FLG: variants seen among roughly 807,000 people sequenced by gnomAD.
The protein encoded by FLG is filaggrin.
A neutral mutation model predicts 3.8 loss-of-function variants in FLG; 6 were observed. The observed-to-expected ratio is 1.60, with a 90% CI of 0.87 to 3.15. The LOEUF (loss-of-function observed/expected upper bound fraction) is 3.15, where lower values mean the gene tolerates loss of function less well. Ranked by LOEUF, FLG falls within the 30% of genes most tolerant of loss-of-function variation. The probability of loss-of-function intolerance (pLI) is 0.00; values close to 1 mark genes in which losing one functional copy is unlikely to be tolerated. For missense variants in FLG, 7,595 were observed against 5,050.9 expected, an observed-to-expected ratio of 1.50 and a Z score of -15.27; for synonymous variants, 2,551 against 1,931.6, an observed-to-expected ratio of 1.32 and a Z score of -8.41.
Position 152,305,120 on chromosome 1 carries a change from A to G in FLG, c.9766T>C (p.Ser3256Pro). 3 of 1,613,538 alleles carry G rather than the reference A, an allele frequency of 1.9e-6. No individual in the cohort carries two copies. The highest frequency in any genetic ancestry group is 2.5e-6 in the Non-Finnish European group (3 of 1,179,886). ...TGACCGGCTCTGTCTTCGTGATGGG[A>G]CCTGGGGTGTCTGGAGCCGTGCCTT... ...QSRHGSRHPRSHHEDRAGHGH... is the reference protein window; with the variant it reads ...QSRHGSRHPRPHHEDRAGHGH... The change falls in exon 3 of 3, where the codon TCC becomes CCC. Residue 3256 changes from serine to proline, a missense_variant. Ser to Pro is a moderately conservative substitution (Grantham distance 74). Coordinates refer to ENST00000368799, the MANE Select transcript of FLG (RefSeq NM_002016.2).
In FLG at chr1:152,304,533, C is replaced by T. The variant is rs776849211; in HGVS notation, c.10353G>A (p.Glu3451=). 11 of 1,611,798 alleles carry T rather than the reference C, an allele frequency of 6.8e-6. No homozygotes were observed. The African/African-American group carries it at 1.3e-4, about 20-fold the overall frequency. Residue 3451 remains glutamate, a synonymous_variant, in exon 3 of 3, where the codon GAG becomes GAA. Coordinates refer to ENST00000368799, the MANE Select transcript of FLG (RefSeq NM_002016.2). ...SRRGRQGSHY[E]QSVDRSGHSG... ...AGTGTCCAGACCTATCTACCGATTG[C>T]TCGTAGTGGGATCCCTGCCTTCCTC...
chr1:152,307,280 C>T lies in FLG; in HGVS notation c.7606G>A (p.Glu2536Lys), dbSNP rs1173644441. ...GAGCTGTCGGCCCGAGAGGAAGCTT[C>T]ATGGTGACGCGACCCTGAGTGCCTG... ...GSRHSGSRHHEASSRADSSGH... is the reference protein window; with the variant it reads ...GSRHSGSRHHKASSRADSSGH... The change falls in exon 3 of 3, where the codon GAA becomes AAA. Residue 2536 changes from glutamate (E) to lysine (K), a missense_variant. Glu to Lys is a moderately conservative substitution (Grantham distance 56). Coordinates refer to ENST00000368799, the MANE Select transcript of FLG (RefSeq NM_002016.2). The T allele has an allele frequency of 5.6e-6, 9 of 1,613,234 alleles. No homozygotes were observed. Among genetic ancestry groups the T allele is most frequent in the Non-Finnish European group, 7.6e-6 (9 of 1,179,950 alleles).
Position 152,309,163 on chromosome 1 carries a change from G to A in FLG, c.5723C>T (p.Pro1908Leu), listed in dbSNP as rs750310026. The A allele has an allele frequency of 1.9e-6, 3 of 1,613,356 alleles. No homozygotes were observed. The highest frequency in any genetic ancestry group is 4.5e-5 in the East Asian group (2 of 44,812). The change falls in exon 3 of 3, where the codon CCC (proline) becomes CTC (leucine). Residue 1908 changes from proline to leucine, a missense_variant. Transcript: ENST00000368799. ...GGATCCCTGGTTCCTGCTTGTCCTG[G>A]GCCCTGATGATTGTCCCTGGCCCAC... The part of the protein sequence containing the change: ...SQVGQGQSSG[P>L]RTSRNQGSSV...
In FLG at chr1:152,312,782, A is replaced by C; in HGVS notation, c.2104T>G (p.Ser702Ala). The part of the protein sequence containing the change: ...QAASSHEQAR[S>A]SAGERHGSRH... ...GATCCATGTCTTTCTCCTGCACTTG[A>C]TCTTGCCTGTTCATGGGATGACGCA... Residue 702 changes from serine (S) to alanine (A), a missense_variant, in exon 3 of 3, where the codon TCA (serine) becomes GCA (alanine). By Grantham distance (99) the Ser-to-Ala change is moderately conservative. Coordinates refer to ENST00000368799, the MANE Select transcript of FLG (RefSeq NM_002016.2). 1.2e-6 allele frequency: 2 copies of C among 1,613,616 alleles called. No homozygotes were observed. Among genetic ancestry groups the C allele is most frequent in the Non-Finnish European group, 1.7e-6 (2 of 1,179,940 alleles).
rs1255956306 is a variant in FLG, at chr1:152,310,444, G to T, written c.4442C>A (p.Ala1481Glu). ...EQARNSSRHS[A>E]SQDGQDTIRG... is the part of the protein sequence containing the mutation. The stretch of plus-strand genomic sequence containing the variant: ...AATGGTGTCCTGACCGTCTTGGGAT[G>T]CTGAGTGCCTAGAGCTGTTTCGTGC... Residue 1481 changes from alanine (A) to glutamate (E), a missense_variant, in exon 3 of 3, where the codon GCA becomes GAA. Ala to Glu is a moderately radical substitution (Grantham distance 107, BLOSUM62 -1). Coordinates refer to ENST00000368799, the MANE Select transcript of FLG (RefSeq NM_002016.2). The T allele has an allele frequency of 1.2e-6, 2 of 1,613,392 alleles. No homozygotes were observed. Among genetic ancestry groups the T allele is most frequent in the East Asian group, 4.5e-5 (2 of 44,786 alleles).
chr1:152,303,507 G>T lies in FLG; in HGVS notation c.11379C>A (p.Ser3793=). 6.2e-7 allele frequency: 1 copy of T among 1,614,006 alleles called. No homozygotes were observed. ...CATGGGAGGCATCAGACCTTCCCTGGGATGTGGTGTGGCTGTGATGGGACC... is the reference window on the plus strand; with the variant it reads ...CATGGGAGGCATCAGACCTTCCCTGTGATGTGGTGTGGCTGTGATGGGACC... The part of the protein sequence containing the change: ...HSGSHHSHTT[S]QGRSDASHGQ... Residue 3793 remains serine, a synonymous_variant, in exon 3 of 3, where the codon TCC becomes TCA. Transcript: ENST00000368799.
rs766058560 is a variant in FLG at position 152,311,217 on chromosome 1, G to T, written c.3669C>A (p.Asp1223Glu). ...GCCTGGAGCCGTCTCCTGATTGTTT[G>T]TCCTTACGAGTTTGTCTGCTTGCAC... ...SRSASRQTRK[D>E]KQSGDGSRHS... Residue 1223 changes from aspartate to glutamate, a missense_variant, in exon 3 of 3, where the codon GAC becomes GAA. Coordinates refer to ENST00000368799, the MANE Select transcript of FLG (RefSeq NM_002016.2). 1 of 1,613,612 alleles carries T rather than the reference G, an allele frequency of 6.2e-7. No individual in the cohort carries two copies. Among genetic ancestry groups the T allele is most frequent in the South Asian group, 1.1e-5 (1 of 91,050 alleles).
rs775249105 is a variant in FLG at position 152,309,685 on chromosome 1, A to G, written c.5201T>C (p.Val1734Ala). Reference sequence around the variant, plus strand: ...GGGCCCAGCCTGTCCGTGGGCTGACACTGACTGTGTGTCTGACTCTTCTGA... The same window carrying G: ...GGGCCCAGCCTGTCCGTGGGCTGACGCTGACTGTGTGTCTGACTCTTCTGA... ...GHSEESDTQS[V>A]SAHGQAGPHQ... is the part of the protein sequence containing the mutation. The change falls in exon 3 of 3, where the codon GTG becomes GCG. Residue 1734 changes from valine (V) to alanine (A), a missense_variant. Transcript: ENST00000368799. 12 of 1,613,602 alleles carry G rather than the reference A, an allele frequency of 7.4e-6. No homozygotes were observed. In the East Asian group the frequency reaches 2.5e-4, roughly 33 times the overall value.
Position 152,303,137 on chromosome 1 carries a change from G to T in FLG, c.11749C>A (p.Pro3917Thr), listed in dbSNP as rs779044304. The change falls in exon 3 of 3, where the codon CCT (proline) becomes ACT (threonine). Residue 3917 changes from proline (P) to threonine (T), a missense_variant. Physicochemically the swap from Pro to Thr is conservative, Grantham distance 38. Transcript: ENST00000368799. ...RDTASHVQSS[P>T]VQSDSSTAKE... ...GCGGTACTAGAGTCTGACTGTACAG[G>T]TGAAGACTGTACATGACTGGCTGTA... 2 of 1,614,152 alleles carry T rather than the reference G, an allele frequency of 1.2e-6. No homozygotes were observed. The highest frequency in any genetic ancestry group is 1.1e-5 in the South Asian group (1 of 91,084).
chr1:152,302,678 T>G lies in FLG; in HGVS notation c.*22A>C. ...TTGCTTCATTCTTCTATTCTTGGAT[T>G]AATTCCTTTGCCATTAATTTCTTAC... On this transcript the variant is annotated 3_prime_UTR_variant, in exon 3 of 3. Transcript: ENST00000368799. 1 of 1,612,868 alleles carries G rather than the reference T, an allele frequency of 6.2e-7. No individual in the cohort carries two copies.
chr1:152,313,033 C>T lies in FLG; in HGVS notation c.1853G>A (p.Gly618Glu). 6.2e-7 allele frequency: 1 copy of T among 1,614,022 alleles called. No individual in the cohort carries two copies. The highest frequency in any genetic ancestry group is 8.5e-7 in the Non-Finnish European group (1 of 1,180,026). ...GTCACTGTCCTGGCTAACACTGGAT[C>T]CCTGGTTCCTACTTGTCCTGGGCCC... ...SSGPRTSRNQ[G>E]SSVSQDSDSQ... The change falls in exon 3 of 3, where the codon GGA becomes GAA. Residue 618 changes from glycine to glutamate, a missense_variant. By Grantham distance (98) the Gly-to-Glu change is moderately conservative (BLOSUM62 -2). Transcript: ENST00000368799.
At position 152,307,242 on chromosome 1, in the gene FLG, C is replaced by G; in HGVS notation, c.7644G>C (p.Gln2548His). The change falls in exon 3 of 3, where the codon CAG becomes CAC. Residue 2548 changes from glutamine to histidine, a missense_variant. By Grantham distance (24) the Gln-to-His change is conservative. Coordinates refer to ENST00000368799, the MANE Select transcript of FLG (RefSeq NM_002016.2). The stretch of plus-strand genomic sequence containing the variant: ...GCCCCTCTGATTGTCCCTGGCCCAC[C>G]TGCGAGTGTCCAGAGCTGTCGGCCC... ...SSRADSSGHSQVGQGQSEGPR... is the reference protein window; with the variant it reads ...SSRADSSGHSHVGQGQSEGPR... 1.2e-6 allele frequency: 2 copies of G among 1,612,926 alleles called. No homozygotes were observed. Among genetic ancestry groups the G allele is most frequent in the Non-Finnish European group, 8.5e-7 (1 of 1,179,990 alleles).
Position 152,311,724 on chromosome 1 carries a change from A to C in FLG, c.3162T>G (p.Ala1054=), listed in dbSNP as rs1557879316. Residue 1054 remains alanine (A), a synonymous_variant, in exon 3 of 3, where the codon GCT becomes GCG. Coordinates refer to ENST00000368799, the MANE Select transcript of FLG (RefSeq NM_002016.2). ...GTCCACTGTCTCTGACTGCAGATGA[A>C]GCTTGTCTGCGCGGAATGCCTGAGT... ...SRHSGIPRRQ[A]SSAVRDSGHW... The C allele has an allele frequency of 3.7e-6, 6 of 1,613,640 alleles. No individual in the cohort carries two copies. The East Asian group carries it at 1.3e-4, about 36-fold the overall frequency.
At chr1:152,318,284 T>A (rs1417814512) in intron 1 of FLG, among the ~76,000 whole-genome samples, 1 of 151,960 alleles carries the variant, frequency 6.6e-6, no homozygotes, top group Admixed American at 6.6e-5. Flanking sequence ...CTACTGAAAC[T>A]GCTTTGTGTC....
At position 152,304,710 on chromosome 1, in the gene FLG, A is replaced by G. The variant is rs1161857490; in HGVS notation, c.10176T>C (p.Thr3392=). 1 of 1,612,712 alleles carries G rather than the reference A, an allele frequency of 6.2e-7. No homozygotes were observed. Among genetic ancestry groups the G allele is most frequent in the Non-Finnish European group, 8.5e-7 (1 of 1,179,788 alleles). Reference sequence around the variant, plus strand: ...CATGGGCAGACTCAGACTGTTCATGAGTGCTCACCTGGTAGAGGAAAGACC... The same window carrying G: ...CATGGGCAGACTCAGACTGTTCATGGGTGCTCACCTGGTAGAGGAAAGACC... The part of the protein sequence containing the change: ...RSGSFLYQVS[T]HEQSESAHGR... The change falls in exon 3 of 3, where the codon ACT becomes ACC. Residue 3392 remains threonine (T), a synonymous_variant. Coordinates refer to ENST00000368799, the MANE Select transcript of FLG (RefSeq NM_002016.2).
At position 152,305,477 on chromosome 1, in the gene FLG, C is replaced by T. The variant is rs1651893247; in HGVS notation, c.9409G>A (p.Gly3137Arg). 2 of 1,584,298 alleles carry T rather than the reference C, an allele frequency of 1.3e-6. No homozygotes were observed. Among genetic ancestry groups the T allele is most frequent in the Non-Finnish European group, 1.7e-6 (2 of 1,171,156 alleles). Residue 3137 changes from glycine to arginine, a missense_variant, in exon 3 of 3, where the codon GGG becomes AGG. Transcript: ENST00000368799. ...GATGTGGTGTGGCTGTGATGGGACCCTGAGTGTCCAGAGCTATCTACCGAA... is the reference window on the plus strand; with the variant it reads ...GATGTGGTGTGGCTGTGATGGGACCTTGAGTGTCCAGAGCTATCTACCGAA... ...EHSVDSSGHS[G>R]SHHSHTTSQG...
chr1:152,304,832 T>C lies in FLG; in HGVS notation c.10054A>G (p.Thr3352Ala), dbSNP rs759537361. 9.9e-6 allele frequency: 16 copies of C among 1,613,800 alleles called. No individual in the cohort carries two copies. The highest frequency in any genetic ancestry group is 1.7e-4 in the Middle Eastern group (1 of 6,060). ...DSEGHSEESDTQSVSGHGQAG... is the reference protein window; with the variant it reads ...DSEGHSEESDAQSVSGHGQAG... ...TGTCCATGGCCTGACACTGACTGTG[T>C]GTCTGACTCTTCTGAATGTCCCTCA... Residue 3352 changes from threonine to alanine, a missense_variant, in exon 3 of 3, where the codon ACA (threonine) becomes GCA (alanine). Thr to Ala is a moderately conservative substitution (Grantham distance 58). Coordinates refer to ENST00000368799, the MANE Select transcript of FLG (RefSeq NM_002016.2).
In FLG at chr1:152,312,243, A is replaced by G. The variant is rs138689255; in HGVS notation, c.2643T>C (p.Asp881=). The change falls in exon 3 of 3, where the codon GAT becomes GAC. Residue 881 remains aspartate (D), a synonymous_variant. Transcript: ENST00000368799. ...HSHTTSQGRS[D]ASRGQSGSRS... is the part of the protein sequence containing the mutation. Reference sequence around the variant, plus strand: ...TGGATCCTGACTGCCCACGGGAGGCATCAGACCTTCCCTGGGATGTGGTGT... The same window carrying G: ...TGGATCCTGACTGCCCACGGGAGGCGTCAGACCTTCCCTGGGATGTGGTGT... The G allele has an allele frequency of 4.5e-4, 721 of 1,613,742 alleles. No individual in the cohort carries two copies. Among genetic ancestry groups the G allele is most frequent in the Middle Eastern group, 2.5e-3 (15 of 6,058 alleles).
rs1424769191 is a variant in FLG, at chr1:152,313,697, G to A, written c.1189C>T (p.His397Tyr). 1.2e-6 allele frequency: 2 copies of A among 1,614,026 alleles called. No individual in the cohort carries two copies. Among genetic ancestry groups the A allele is most frequent in the African/African-American group, 1.3e-5 (1 of 75,000 alleles). Residue 397 changes from histidine to tyrosine, a missense_variant, in exon 3 of 3, where the codon CAC becomes TAC. By Grantham distance (83) the His-to-Tyr change is moderately conservative. Coordinates refer to ENST00000368799, the MANE Select transcript of FLG (RefSeq NM_002016.2). ...GCTTGCCCGCGCCCAGTGGCTGAGT[G>A]TCTGGAGCTGTCTGCTGACTGCTGG... ...GHQQSADSSR[H>Y]SATGRGQASS...
Sources: gnomAD v4.1 joint callset for allele counts (sites outside exome capture counted in the v4.1 genomes callset) on GRCh38, gnomAD v4.1.1 for gene constraint, MANE v1.5 for transcripts, NCBI Gene and HGNC (gene_info 2026-07-23, HGNC 2026-07-21) for gene names.